Variants in CA10 observed in about 807,000 individuals in gnomAD.
CA10 encodes carbonic anhydrase 10 (inactive).
CA10 carries 14 observed loss-of-function variants against 44.2 expected under a neutral mutation model. The observed-to-expected ratio is 0.32, with a 90% CI of 0.21 to 0.50. The LOEUF (loss-of-function observed/expected upper bound fraction) is 0.50. Among genes scored for constraint, CA10 ranks in the 20% least tolerant of loss-of-function variants. The pLI is 0.99. For synonymous variants in CA10, 159 were observed against 141.6 expected (o/e 1.12, Z -0.87); for missense variants, 350 against 409.7 (o/e 0.85, Z 1.26).
intron 3 of CA10, among the ~76,000 whole-genome samples, chr17:51,890,366 C>A (rs1980802219): frequency 6.6e-6 from 1 of 152,074 alleles, no homozygotes; most frequent in African/African-American, 2.4e-5. Context: ...AGACTTGTTG[C>A]CATTTGCTCA....
At chr17:51,759,167 C>G (rs1318516561) in intron 3 of CA10, among the ~76,000 whole-genome samples, 3 of 151,850 alleles carry the variant, frequency 2.0e-5, no homozygotes, top group Non-Finnish European at 4.4e-5. Flanking sequence ...TTTTTTCTTA[C>G]TTCTTAGTGA....
At position 52,024,613 on chromosome 17, in the gene CA10, A is replaced by T. The variant is rs189830400; in HGVS notation, c.136+47706T>A. On this transcript the variant is annotated intron_variant, in intron 2 of 8. Transcript: ENST00000451037. ...AGCGTGGCATATTGTGTATTGGAAG[A>T]TATCCAGAAGCACTTTGGGGCCCTC... Among the ~76,000 whole-genome samples the T allele has an allele frequency of 1.3e-4, 20 of 152,130 alleles. No homozygotes were observed. In the East Asian group the frequency reaches 3.9e-3, roughly 30 times the overall value.
chr17:51,694,370 T>C lies in CA10; in HGVS notation c.466-40634A>G, dbSNP rs545209165. 2.0e-5 allele frequency among the ~76,000 whole-genome samples: 3 copies of C among 152,336 alleles called. No homozygotes were observed. In the East Asian group the frequency reaches 5.8e-4, roughly 29 times the overall value. On this transcript the variant is annotated intron_variant, in intron 4 of 8. Transcript: ENST00000451037. ...ATTCTGACTTGTGTGAGATGGTATC[T>C]CTTTGTGGTTTTGATTTGCATTCCT...
intron 1 of CA10, among the ~76,000 whole-genome samples, chr17:52,154,415 T>C (rs1189104980): frequency 6.6e-6 from 1 of 152,202 alleles, no homozygotes; most frequent in Non-Finnish European, 1.5e-5. Context: ...GTTATTATTA[T>C]GAATAAACTG....
At chr17:51,831,328 A>G (rs1256178441) in intron 3 of CA10, among the ~76,000 whole-genome samples, 1 of 152,228 alleles carries the variant, frequency 6.6e-6, no homozygotes, top group Non-Finnish European at 1.5e-5. Flanking sequence ...AACTAGCCAC[A>G]GTGGAAGCTG....
chr17:51,862,991 C>T (rs1979381517), intron 3 of CA10, among the ~76,000 whole-genome samples: 1 of 152,104 alleles, frequency 6.6e-6, no homozygotes, highest in Admixed American at 6.5e-5. Flanking sequence ...CACAAATATT[C>T]ACTCTATAAC....
chr17:51,976,392 A>G (rs1322696090), intron 2 of CA10, among the ~76,000 whole-genome samples: 1 of 152,194 alleles, frequency 6.6e-6, no homozygotes, highest in Non-Finnish European at 1.5e-5. Flanking sequence ...ACTATCAATA[A>G]TCACATAGAT....
chr17:51,633,019 T>C (rs1912654098), intron 8 of CA10, among the ~76,000 whole-genome samples: 1 of 152,208 alleles, frequency 6.6e-6, no homozygotes. Context: ...CTTTCTTCCA[T>C]ATACTTAAAA....
chr17:51,929,039 A>G (rs7501597), intron 3 of CA10, among the ~76,000 whole-genome samples: 21,012 of 152,180 alleles, frequency 0.14, 1,769 homozygotes, highest in South Asian at 0.3. Flanking sequence ...CCAAACTCCA[A>G]TGCATTTGAA....
At chr17:52,038,362 G>C (rs1235214114) in intron 2 of CA10, among the ~76,000 whole-genome samples, 2 of 152,140 alleles carry the variant, frequency 1.3e-5, no homozygotes, top group Non-Finnish European at 2.9e-5. Flanking sequence ...AAGAATGAGT[G>C]CACAGAAGCT....
chr17:51,844,124 G>T (rs1978390473), intron 3 of CA10, among the ~76,000 whole-genome samples: 1 of 152,090 alleles, frequency 6.6e-6, no homozygotes, highest in African/African-American at 2.4e-5. Context: ...CAGAATTATT[G>T]ATATGATGAT....
intron 3 of CA10, among the ~76,000 whole-genome samples, chr17:51,857,025 A>G (rs1979077901): frequency 6.6e-6 from 1 of 152,218 alleles, no homozygotes; most frequent in Admixed American, 6.5e-5. Flanking sequence ...CTTATCTTAT[A>G]TGCAGTGCAG....
At chr17:51,639,716 C>T (rs1232070890) in intron 6 of CA10, among the ~76,000 whole-genome samples, 1 of 152,184 alleles carries the variant, frequency 6.6e-6, no homozygotes, top group African/African-American at 2.4e-5. Flanking sequence ...CTTTTTATAT[C>T]CTCACACAGC....
intron 1 of CA10, among the ~76,000 whole-genome samples, chr17:52,098,223 T>C (rs994247741): frequency 3.9e-5 from 6 of 152,220 alleles, no homozygotes; most frequent in Admixed American, 6.5e-5. Flanking sequence ...ATGATAGTGC[T>C]CAGAACAATA....
At chr17:51,829,876 A>G (rs1908166028) in intron 3 of CA10, among the ~76,000 whole-genome samples, 1 of 152,160 alleles carries the variant, frequency 6.6e-6, no homozygotes, top group African/African-American at 2.4e-5. Context: ...AGCCCAACCC[A>G]CAGAAAGAAA....
chr17:51,963,677 G>A (rs1180129615), intron 2 of CA10, among the ~76,000 whole-genome samples: 1 of 152,142 alleles, frequency 6.6e-6, no homozygotes, highest in Admixed American at 6.6e-5. Flanking sequence ...AGCTTTCTAA[G>A]TGAAGGAGAA....
At position 51,631,699 on chromosome 17, in the gene CA10, C is replaced by T. The variant is rs1407322919; in HGVS notation, c.965-93G>A. 1.0e-5 allele frequency: 11 copies of T among 1,101,440 alleles called. No homozygotes were observed. In the South Asian group the frequency reaches 1.4e-4, roughly 14 times the overall value. The allele number at this position is 1,101,440 out of a possible 1,614,324, so 68.2% of individuals were successfully genotyped here. A position where few individuals can be genotyped will look rare whatever the true frequency, so the allele number is the denominator to read the frequency against. ...TGCACACAGTTTTAGAGAATTCCTC[C>T]AGAGGGGAAGGGACTGTTTTGTAAA... On this transcript the variant is annotated intron_variant, in intron 8 of 8. Transcript: ENST00000451037.
chr17:51,682,668 C>T (rs549982410), intron 4 of CA10, among the ~76,000 whole-genome samples: 1 of 152,206 alleles, frequency 6.6e-6, no homozygotes, highest in African/African-American at 2.4e-5. Context: ...CCCCACCTAC[C>T]CATGGCCATA....
chr17:51,753,150 C>A (rs908329678), intron 3 of CA10, among the ~76,000 whole-genome samples: 2 of 152,030 alleles, frequency 1.3e-5, no homozygotes, highest in Non-Finnish European at 2.9e-5. Flanking sequence ...TCCTCACCTG[C>A]GGAATTCATA....
Sources: gnomAD v4.1 joint callset for allele counts (sites outside exome capture counted in the v4.1 genomes callset) on GRCh38, gnomAD v4.1.1 for gene constraint, MANE v1.5 for transcripts, NCBI Gene and HGNC (gene_info 2026-07-23, HGNC 2026-07-21) for gene names.